FOXP1: variants seen among roughly 807,000 people sequenced by gnomAD.
FOXP1 encodes forkhead box protein P1.
FOXP1 carries 15 observed loss-of-function variants against 98.2 expected under a neutral mutation model. The observed-to-expected ratio is 0.15, with a 90% CI of 0.10 to 0.24. FOXP1 has a LOEUF of 0.24. Among genes scored for constraint, FOXP1 ranks in the 10% least tolerant of loss-of-function variants. FOXP1 has a pLI of 1.00. For synonymous variants in FOXP1, 371 were observed against 314.5 expected (o/e 1.18, Z -1.90); for missense variants, 633 against 848.5 (o/e 0.75, Z 3.15).
rs533313728 is a variant in FOXP1 at position 70,954,812 on chromosome 3, C to T, written c.*4435G>A. The T allele has an allele frequency of 9.5e-5, 22 of 231,726 alleles. No homozygotes were observed. Among genetic ancestry groups the T allele is most frequent in the Middle Eastern group, 1.2e-3 (1 of 802 alleles). 14.4% of individuals were successfully genotyped at this position (231,726 alleles called of 1,614,324 possible). ...CAACATTTTTTTTATTGTCTGTATC[C>T]GCAGACATGGAATGATGGAATTACA... On this transcript the variant is annotated 3_prime_UTR_variant, in exon 21 of 21. Coordinates refer to ENST00000649528, the MANE Select transcript of FOXP1 (RefSeq NM_001349338.3).
chr3:71,355,273 G>A lies in FOXP1; in HGVS notation c.-73+3877C>T, dbSNP rs777990637. ...CCGACTGCATGCATACCTACCATATGTTAGGCACTGCTAGCCATGGAGAAG... is the reference window on the plus strand; with the variant it reads ...CCGACTGCATGCATACCTACCATATATTAGGCACTGCTAGCCATGGAGAAG... On this transcript the variant is annotated intron_variant, in intron 4 of 20. Transcript: ENST00000649528. 5.2e-4 allele frequency among the ~76,000 whole-genome samples: 79 copies of A among 152,270 alleles called. 1 individual carries two copies. The highest frequency in any genetic ancestry group is 2.0e-3 in the Admixed American group (30 of 15,298).
chr3:71,124,056 C>G (rs2058975566), intron 6 of FOXP1, among the ~76,000 whole-genome samples: 1 of 151,732 alleles, frequency 6.6e-6, no homozygotes, highest in Non-Finnish European at 1.5e-5. Context: ...GGGATATCCC[C>G]AAACTCAGCA....
At chr3:71,510,463 T>C (rs1405231975) in intron 2 of FOXP1, among the ~76,000 whole-genome samples, 1 of 151,616 alleles carries the variant, frequency 6.6e-6, no homozygotes, top group Non-Finnish European at 1.5e-5. Flanking sequence ...GGCAACAGAG[T>C]GAGACTCTGT....
chr3:71,172,654 C>T (rs1162611948), intron 6 of FOXP1, among the ~76,000 whole-genome samples: 1 of 152,232 alleles, frequency 6.6e-6, no homozygotes, highest in Non-Finnish European at 1.5e-5. Context: ...TAGGTTTTCT[C>T]ACCAAGAGTT....
chr3:70,970,045 A>G (rs2035869174), intron 19 of FOXP1: 1 of 152,410 alleles, frequency 6.6e-6, no homozygotes. Flanking sequence ...TGCCTCAGGT[A>G]GCTCCTTTTT....
intron 4 of FOXP1, chr3:71,334,605 T>G (rs1034221178): frequency 6.6e-6 from 1 of 152,202 alleles, no homozygotes; most frequent in African/African-American, 2.4e-5. Context: ...ATAAAATTAC[T>G]GGACTTAAGA....
chr3:71,279,393 T>C (rs2071272542), intron 5 of FOXP1, among the ~76,000 whole-genome samples: 1 of 152,146 alleles, frequency 6.6e-6, no homozygotes, highest in Non-Finnish European at 1.5e-5. Flanking sequence ...CTTGGCGATG[T>C]CTACGGATAC....
intron 6 of FOXP1, among the ~76,000 whole-genome samples, chr3:71,171,779 G>C (rs976879472): frequency 1.3e-5 from 2 of 152,170 alleles, no homozygotes; most frequent in African/African-American, 4.8e-5. Context: ...GACACACAGG[G>C]CTGGGGTCTG....
intron 2 of FOXP1, among the ~76,000 whole-genome samples, chr3:71,534,586 T>C (rs1304183073): frequency 6.6e-6 from 1 of 152,254 alleles, no homozygotes; most frequent in Admixed American, 6.5e-5. Context: ...AATTAAACTT[T>C]AGTGTGGATA....
chr3:71,312,365 T>A (rs539169293), intron 4 of FOXP1, among the ~76,000 whole-genome samples: 45 of 152,264 alleles, frequency 3.0e-4, no homozygotes, highest in Non-Finnish European at 3.7e-4. Context: ...ATAATTTTTT[T>A]AAGCTAAGTA....
chr3:71,385,091 G>A (rs1174265429), intron 3 of FOXP1, among the ~76,000 whole-genome samples: 2 of 146,932 alleles, frequency 1.4e-5, no homozygotes, highest in Admixed American at 1.3e-4. Context: ...TTAAGAAGGG[G>A]CACGGGAAAA....
At chr3:71,252,775 G>A (rs1172248725) in intron 5 of FOXP1, among the ~76,000 whole-genome samples, 2 of 152,202 alleles carry the variant, frequency 1.3e-5, no homozygotes, top group African/African-American at 4.8e-5. Context: ...CCCACAGTAG[G>A]GAAATGGTTA....
At chr3:71,028,589 C>A (rs1367050608) in intron 11 of FOXP1, among the ~76,000 whole-genome samples, 1 of 152,212 alleles carries the variant, frequency 6.6e-6, no homozygotes, top group African/African-American at 2.4e-5. Context: ...AAGTGCTCGC[C>A]AACCTTTTTG....
rs556735361 is a variant in FOXP1, at chr3:71,232,157, T to A, written c.-11-33765A>T. Among the ~76,000 whole-genome samples, 15 of 152,214 alleles carry A rather than the reference T, an allele frequency of 9.9e-5. 1 individual carries two copies. Among genetic ancestry groups the A allele is most frequent in the Non-Finnish European group, 1.2e-4 (8 of 68,040 alleles). ...AAACTGAGATAATATAAAAAGAATCTGATAGTATCAAAATAAAAGATGTGC... is the reference window on the plus strand; with the variant it reads ...AAACTGAGATAATATAAAAAGAATCAGATAGTATCAAAATAAAAGATGTGC... On this transcript the variant is annotated intron_variant, in intron 5 of 20. Coordinates refer to ENST00000649528, the MANE Select transcript of FOXP1 (RefSeq NM_001349338.3).
chr3:71,190,715 T>C (rs1035600463), intron 6 of FOXP1, among the ~76,000 whole-genome samples: 5 of 152,030 alleles, frequency 3.3e-5, no homozygotes, highest in Non-Finnish European at 5.9e-5. Flanking sequence ...TGCAGCTGTT[T>C]TCTAGTGGAG....
chr3:71,131,033 A>G, intron 6 of FOXP1: 1 of 519,792 alleles, frequency 1.9e-6, no homozygotes, highest in Non-Finnish European at 2.5e-6. Context: ...ACATTTACAT[A>G]GGCAGGATGC....
At chr3:71,156,920 C>T (rs899154717) in intron 6 of FOXP1, among the ~76,000 whole-genome samples, 1 of 152,200 alleles carries the variant, frequency 6.6e-6, no homozygotes, top group African/African-American at 2.4e-5. Context: ...GCCAGGCTGG[C>T]TAATCAGGAC....
At chr3:71,023,788 T>C (rs2107815508) in intron 11 of FOXP1, among the ~76,000 whole-genome samples, 1 of 152,352 alleles carries the variant, frequency 6.6e-6, no homozygotes, top group South Asian at 2.1e-4. Flanking sequence ...TTGAAATTAC[T>C]AAATTTACAA....
At chr3:71,364,692 A>C (rs2078797423) in intron 3 of FOXP1, among the ~76,000 whole-genome samples, 1 of 152,244 alleles carries the variant, frequency 6.6e-6, no homozygotes, top group Admixed American at 6.5e-5. Flanking sequence ...GTTAAGTGTC[A>C]CATTGCAGTA....
Sources: gnomAD v4.1 joint callset for allele counts (sites outside exome capture counted in the v4.1 genomes callset) on GRCh38, gnomAD v4.1.1 for gene constraint, MANE v1.5 for transcripts, NCBI Gene and HGNC (gene_info 2026-07-23, HGNC 2026-07-21) for gene names.